The following BCKDK variants were observed in gnomAD, a reference collection of about 807,000 sequenced individuals.
BCKDK encodes the protein branched-chain alpha-ketoacid dehydrogenase kinase.
BCKDK carries 28 observed loss-of-function variants against 43.9 expected under a neutral mutation model. That is an observed-to-expected ratio of 0.64 (90% CI 0.47 to 0.87). The LOEUF (loss-of-function observed/expected upper bound fraction) is 0.87, where lower values mean the gene tolerates loss of function less well. Among genes scored for constraint, BCKDK ranks in the 40% least tolerant of loss-of-function variants. The pLI, the probability that BCKDK is intolerant of heterozygous loss-of-function variation, is 0.00. For synonymous variants in BCKDK, 257 were observed against 234.3 expected, an observed-to-expected ratio of 1.10 and a Z score of -0.88; for missense variants, 483 against 581.4, an observed-to-expected ratio of 0.83 and a Z score of 1.74.
At position 31,110,192 on chromosome 16, in the gene BCKDK, CTG is replaced by C. The variant is rs2057398963; in HGVS notation, c.424-10_424-9del. On this transcript the variant is annotated splice_polypyrimidine_tract_variant and intron_variant, in intron 5 of 11. Coordinates refer to ENST00000219794, the MANE Select transcript of BCKDK (RefSeq NM_005881.4). This position sits in a 1 kb window ranked among gnomAD's most constrained non-coding sequence, Gnocchi z 5.4. Reference sequence around the variant, plus strand: ...GCTTGGACCACCCTTCCTCATGACTCTGTGACCTGCAGATCAAGGACCAGGCG... The same window carrying C: ...GCTTGGACCACCCTTCCTCATGACTCTGACCTGCAGATCAAGGACCAGGCG... The C allele has an allele frequency of 6.8e-6, 11 of 1,614,012 alleles. No individual in the cohort carries two copies. The highest frequency in any genetic ancestry group is 2.2e-5 in the East Asian group (1 of 44,892).
chr16:31,109,569 G>T lies in BCKDK; in HGVS notation c.254G>T (p.Ser85Ile). 1 of 1,614,126 alleles carries T rather than the reference G, an allele frequency of 6.2e-7. No homozygotes were observed. The highest frequency in any genetic ancestry group is 8.5e-7 in the Non-Finnish European group (1 of 1,180,024). ...TACGCTGGCCGCTCTCAGGACGGCA[G>T]CCACCTTCTGGTAAGATTCACGCCC... ...MLYAGRSQDG[S>I]HLLKSARYLQ... Residue 85 changes from serine (S) to isoleucine (I), a missense_variant, in exon 3 of 12, where the codon AGC becomes ATC. Coordinates refer to ENST00000219794, the MANE Select transcript of BCKDK (RefSeq NM_005881.4). This position sits in a 1 kb window ranked among gnomAD's most constrained non-coding sequence, Gnocchi z 5.3.
Position 31,111,972 on chromosome 16 carries a change from C to G in BCKDK, c.1039C>G (p.Pro347Ala). The G allele has an allele frequency of 6.2e-7, 1 of 1,614,136 alleles. No homozygotes were observed. Among genetic ancestry groups the G allele is most frequent in the Non-Finnish European group, 8.5e-7 (1 of 1,180,028 alleles). ...EASTQDPRIS[P>A]LFGHLDMHSG... ...CAGCACACAGGACCCCCGGATCAGC[C>G]CCCTCTTTGGCCATCTGGACATGCA... is the stretch of plus-strand genomic sequence containing the variant. The change falls in exon 11 of 12, where the codon CCC (proline) becomes GCC (alanine). Residue 347 changes from proline to alanine, a missense_variant. Physicochemically the swap from Pro to Ala is conservative, Grantham distance 27 (BLOSUM62 -1). Transcript: ENST00000219794.
chr16:31,109,312 G>T lies in BCKDK; in HGVS notation c.89G>T (p.Arg30Leu). 6.2e-7 allele frequency: 1 copy of T among 1,607,772 alleles called. No individual in the cohort carries two copies. Among genetic ancestry groups the T allele is most frequent in the East Asian group, 2.2e-5 (1 of 44,734 alleles). The change falls in exon 2 of 12, where the codon CGC becomes CTC. Residue 30 changes from arginine (R) to leucine (L), a missense_variant. By Grantham distance (102) the Arg-to-Leu change is moderately radical. Transcript: ENST00000219794. The surrounding 1 kb of genome is among the most constrained non-coding windows in gnomAD (Gnocchi z 5.3). ...LLGPALALRARSTSATDTHHV... is the reference protein window; with the variant it reads ...LLGPALALRALSTSATDTHHV... ...GGACCCGCACTCGCGCTCCGGGCCC[G>T]CTCGACGTCGGCCACCGACACACAC... is the stretch of plus-strand genomic sequence containing the variant.
rs1054014743 is a variant in BCKDK at position 31,111,361 on chromosome 16, G to T, written c.907G>T (p.Ala303Ser). The stretch of plus-strand genomic sequence containing the variant: ...TGTCCCAGATGTGGTCATCACCATC[G>T]CCAACAATGATGTCGATCTGATCAT... Reference protein sequence around the residue: ...YNVPDVVITIANNDVDLIIRI... With the variant: ...YNVPDVVITISNNDVDLIIRI... Residue 303 changes from alanine to serine, a missense_variant, in exon 10 of 12, where the codon GCC becomes TCC. Physicochemically the swap from Ala to Ser is moderately conservative, Grantham distance 99. Transcript: ENST00000219794. 1 of 1,613,994 alleles carries T rather than the reference G, an allele frequency of 6.2e-7. No individual in the cohort carries two copies. Among genetic ancestry groups the T allele is most frequent in the African/African-American group, 1.3e-5 (1 of 74,910 alleles).
downstream of BCKDK, among the ~76,000 whole-genome samples, chr16:31,114,898 CTTTTCTTTTCCTCCCTTCCTCCCTCTT>C (rs1395864736): frequency 3.3e-5 from 5 of 152,250 alleles, no homozygotes; most frequent in African/African-American, 1.2e-4. Context: ...CTTTCCTTTC[CTTTTCTTTTCCTCCCTTCCTCCCTCTT>C]TTTTCTTTTT....
downstream of BCKDK, chr16:31,117,398 A>AAATAAAT (rs377332555): frequency 4.3e-6 from 1 of 233,588 alleles, no homozygotes; most frequent in Admixed American, 5.6e-5. Flanking sequence ...ATAAATAAAT[A>AAATAAAT]AATTAAAAAA....
At chr16:31,113,712 G>A (rs1187211835), downstream of BCKDK, among the ~76,000 whole-genome samples, 1 of 152,126 alleles carries the variant, frequency 6.6e-6, no homozygotes, top group East Asian at 1.9e-4. Flanking sequence ...GGGCTCAAAT[G>A]ATCCTTCCAC....
Position 31,109,315 on chromosome 16 carries a change from C to T in BCKDK, c.92C>T (p.Ser31Leu), listed in dbSNP as rs753241199. The change falls in exon 2 of 12, where the codon TCG becomes TTG. Residue 31 changes from serine to leucine, a missense_variant. Transcript: ENST00000219794. The surrounding 1 kb of genome is among the most constrained non-coding windows in gnomAD (Gnocchi z 5.3). ...LGPALALRAR[S>L]TSATDTHHVE... is the part of the protein sequence containing the mutation. ...CCCGCACTCGCGCTCCGGGCCCGCTCGACGTCGGCCACCGACACACACCAC... is the reference window on the plus strand; with the variant it reads ...CCCGCACTCGCGCTCCGGGCCCGCTTGACGTCGGCCACCGACACACACCAC... 6.2e-7 allele frequency: 1 copy of T among 1,608,226 alleles called. No homozygotes were observed.
At position 31,111,992 on chromosome 16, in the gene BCKDK, C is replaced by G; in HGVS notation, c.1059C>G (p.Asp353Glu). 6.2e-7 allele frequency: 1 copy of G among 1,614,124 alleles called. No individual in the cohort carries two copies. The highest frequency in any genetic ancestry group is 1.3e-5 in the African/African-American group (1 of 75,044). The part of the protein sequence containing the change: ...PRISPLFGHL[D>E]MHSGAQSGPM... Reference sequence around the variant, plus strand: ...TCAGCCCCCTCTTTGGCCATCTGGACATGCATAGTGGCGCCCAGTCAGGAC... The same window carrying G: ...TCAGCCCCCTCTTTGGCCATCTGGAGATGCATAGTGGCGCCCAGTCAGGAC... Residue 353 changes from aspartate (D) to glutamate (E), a missense_variant, in exon 11 of 12, where the codon GAC becomes GAG. Transcript: ENST00000219794.
In BCKDK at chr16:31,108,461, C is replaced by T. The variant is rs922532038; in HGVS notation, c.-196C>T. On this transcript the variant is annotated 5_prime_UTR_variant, in exon 1 of 12. Coordinates refer to ENST00000219794, the MANE Select transcript of BCKDK (RefSeq NM_005881.4). The surrounding 1 kb of genome is among the most constrained non-coding windows in gnomAD (Gnocchi z 6.2). The stretch of plus-strand genomic sequence containing the variant: ...TCGAGCCCTTCCGCTGGGACCCGGG[C>T]CCTGGCTCCGGCCCCGCGGTAAGTG... 6.6e-6 allele frequency: 1 copy of T among 152,210 alleles called. No individual in the cohort carries two copies. Among genetic ancestry groups the T allele is most frequent in the Non-Finnish European group, 1.5e-5 (1 of 68,034 alleles). 9.4% of individuals were successfully genotyped at this position (152,210 alleles called of 1,614,324 possible). A position where few individuals can be genotyped will look rare whatever the true frequency, so the allele number is the denominator to read the frequency against.
At chr16:31,114,840 T>C (rs535809667), downstream of BCKDK, among the ~76,000 whole-genome samples, 1 of 152,352 alleles carries the variant, frequency 6.6e-6, no homozygotes, top group East Asian at 1.9e-4. Context: ...ACAGCAGATA[T>C]GAAGTCAGCT....
chr16:31,109,283 C>T lies in BCKDK; in HGVS notation c.60C>T (p.Leu20=), dbSNP rs1176738800. ...GGGGCGGGCTTCCGCTCCGGCCCCT[C>T]CTGGGACCCGCACTCGCGCTCCGGG... ...GPGGGLPLRP[L]LGPALALRAR... The change falls in exon 2 of 12, where the codon CTC becomes CTT. Residue 20 remains leucine, a synonymous_variant. Transcript: ENST00000219794. This position sits in a 1 kb window ranked among gnomAD's most constrained non-coding sequence, Gnocchi z 5.3. 4 of 1,599,386 alleles carry T rather than the reference C, an allele frequency of 2.5e-6. No individual in the cohort carries two copies. The highest frequency in any genetic ancestry group is 3.4e-6 in the Non-Finnish European group (4 of 1,172,968).
In BCKDK at chr16:31,112,528, C is replaced by G. The variant is rs1403022081; in HGVS notation, c.*263C>G. The G allele has an allele frequency of 8.5e-6, 5 of 591,000 alleles. No homozygotes were observed. Among genetic ancestry groups the G allele is most frequent in the Non-Finnish European group, 1.5e-5 (5 of 330,452 alleles). 36.6% of individuals were successfully genotyped at this position (591,000 alleles called of 1,614,324 possible). On this transcript the variant is annotated 3_prime_UTR_variant, in exon 12 of 12. Coordinates refer to ENST00000219794, the MANE Select transcript of BCKDK (RefSeq NM_005881.4). This position sits in a 1 kb window ranked among gnomAD's most constrained non-coding sequence, Gnocchi z 5.0. Reference sequence around the variant, plus strand: ...CGTCATTCTCGTTCCTGGGGAACCCCCACTCTGACCTGTTATTAAAGTTCA... The same window carrying G: ...CGTCATTCTCGTTCCTGGGGAACCCGCACTCTGACCTGTTATTAAAGTTCA...
At chr16:31,116,500 C>G (rs907250250), downstream of BCKDK, among the ~76,000 whole-genome samples, 2 of 152,030 alleles carry the variant, frequency 1.3e-5, no homozygotes, top group Non-Finnish European at 2.9e-5. Flanking sequence ...CCCCGCCCAA[C>G]TCGTCCTTTC....
rs1044206635 is a variant in BCKDK at position 31,110,846 on chromosome 16, C to T, written c.716+85C>T. ...GAGCCCTTGCCCGGGGCATGATCTGCGGGGAGCAGGGTTTCTCAACCATGG... is the reference window on the plus strand; with the variant it reads ...GAGCCCTTGCCCGGGGCATGATCTGTGGGGAGCAGGGTTTCTCAACCATGG... On this transcript the variant is annotated intron_variant, in intron 8 of 11. Transcript: ENST00000219794. This position sits in a 1 kb window ranked among gnomAD's most constrained non-coding sequence, Gnocchi z 5.4. 4.8e-5 allele frequency: 71 copies of T among 1,494,078 alleles called. No homozygotes were observed. The highest frequency in any genetic ancestry group is 1.7e-4 in the Middle Eastern group (1 of 5,814). 92.6% of individuals were successfully genotyped at this position (1,494,078 alleles called of 1,614,324 possible).
rs1260238797 is a variant in BCKDK at position 31,112,360 on chromosome 16, T to A, written c.*95T>A. ...CAGGGCGGCCCCCTGCTCCACACACTGCTGCATCTTGGGTCTCAGGGACCC... is the reference window on the plus strand; with the variant it reads ...CAGGGCGGCCCCCTGCTCCACACACAGCTGCATCTTGGGTCTCAGGGACCC... On this transcript the variant is annotated 3_prime_UTR_variant, in exon 12 of 12. Coordinates refer to ENST00000219794, the MANE Select transcript of BCKDK (RefSeq NM_005881.4). This position sits in a 1 kb window ranked among gnomAD's most constrained non-coding sequence, Gnocchi z 5.0. 1 of 1,563,850 alleles carries A rather than the reference T, an allele frequency of 6.4e-7. No homozygotes were observed. The highest frequency in any genetic ancestry group is 8.7e-7 in the Non-Finnish European group (1 of 1,151,242).
Position 31,111,187 on chromosome 16 carries a change from C to T in BCKDK, c.813C>T (p.Tyr271=). The T allele has an allele frequency of 6.2e-7, 1 of 1,614,208 alleles. No homozygotes were observed. The highest frequency in any genetic ancestry group is 8.5e-7 in the Non-Finnish European group (1 of 1,180,032). The change falls in exon 9 of 12, where the codon TAC becomes TAT. Residue 271 remains tyrosine (Y), a synonymous_variant. Transcript: ENST00000219794. The stretch of plus-strand genomic sequence containing the variant: ...CCTTCATCCCTATGCCACTGGACTA[C>T]ATCCTGCCGGAGCTGCTCAAGAATG... ...RFPFIPMPLD[Y]ILPELLKNAM...
chr16:31,110,401 G>A lies in BCKDK; in HGVS notation c.544G>A (p.Asp182Asn), dbSNP rs2057401525. The A allele has an allele frequency of 6.2e-7, 1 of 1,613,904 alleles. No individual in the cohort carries two copies. The part of the protein sequence containing the change: ...GLRESRKHIE[D>N]EKLVRYFLDK... Reference sequence around the variant, plus strand: ...GATTCTGAGACCTCACTCTTTACAGGATGAAAAGCTCGTCCGCTACTTCTT... The same window carrying A: ...GATTCTGAGACCTCACTCTTTACAGAATGAAAAGCTCGTCCGCTACTTCTT... Residue 182 changes from aspartate (D) to asparagine (N), a missense_variant and splice_region_variant, in exon 7 of 12, where the codon GAT (aspartate) becomes AAT (asparagine). Transcript: ENST00000219794. The surrounding 1 kb of genome is among the most constrained non-coding windows in gnomAD (Gnocchi z 5.4).
chr16:31,114,204 CGTTTTGTTTT>C (rs1567431098), downstream of BCKDK, among the ~76,000 whole-genome samples: 1 of 151,680 alleles, frequency 6.6e-6, no homozygotes, highest in Admixed American at 6.6e-5. Flanking sequence ...TGTTTTGTTT[CGTTTTGTTTT>C]TTTAAACGGA....
Sources: gnomAD v4.1 joint callset for allele counts (sites outside exome capture counted in the v4.1 genomes callset) on GRCh38, gnomAD v4.1.1 for gene constraint, Gnocchi (gnomAD v3.1) non-coding constraint, MANE v1.5 for transcripts, NCBI Gene and HGNC (gene_info 2026-07-23, HGNC 2026-07-21) for gene names.